ADGRL2: variants seen among roughly 807,000 people sequenced by gnomAD.
ADGRL2 encodes the protein calcium-independent alpha-latrotoxin receptor 2.
Under a neutral mutation model 157.4 loss-of-function variants are expected in ADGRL2, and 44 were observed. That is an observed-to-expected ratio of 0.28 (90% CI 0.22 to 0.36). The LOEUF (loss-of-function observed/expected upper bound fraction) is 0.36, where lower values mean the gene tolerates loss of function less well. Ranked by LOEUF, ADGRL2 falls within the 10% of genes least tolerant of loss-of-function variation. ADGRL2 has a pLI of 1.00. For synonymous variants in ADGRL2, 585 were observed against 624.7 expected (o/e 0.94, Z 0.95); for missense variants, 1,510 against 1,768.9 (o/e 0.85, Z 2.63).
At chr1:81,569,408 G>T (rs1021269600) in intron 2 of ADGRL2, among the ~76,000 whole-genome samples, 2 of 152,144 alleles carry the variant, frequency 1.3e-5, no homozygotes, top group African/African-American at 4.8e-5. Context: ...AAAAGTAATG[G>T]CTTAAAACAG....
intron 2 of ADGRL2, among the ~76,000 whole-genome samples, chr1:81,838,747 G>C (rs1004164528): frequency 3.3e-5 from 5 of 152,106 alleles, no homozygotes; most frequent in Admixed American, 6.6e-5. Flanking sequence ...TAACTCAGTG[G>C]GGGGCTAGCA....
chr1:81,909,719 CTTG>C (rs2094667506), intron 3 of ADGRL2, among the ~76,000 whole-genome samples: 1 of 145,814 alleles, frequency 6.9e-6, no homozygotes, highest in South Asian at 2.2e-4. Context: ...CAAACCATTG[CTTG>C]TTTTTTTTTT....
intron 1 of ADGRL2, among the ~76,000 whole-genome samples, chr1:81,360,592 C>T (rs756288104): frequency 1.1e-4 from 17 of 151,880 alleles, no homozygotes; most frequent in Non-Finnish European, 1.8e-4. Flanking sequence ...TAAAAATGTG[C>T]TTACTTTCTG....
At chr1:81,576,346 T>C (rs2080797563) in intron 2 of ADGRL2, among the ~76,000 whole-genome samples, 1 of 152,180 alleles carries the variant, frequency 6.6e-6, no homozygotes, top group South Asian at 2.1e-4. Context: ...TCTTTCTCTC[T>C]TTATTTATTT....
At position 81,502,520 on chromosome 1, in the gene ADGRL2, C is replaced by G; in HGVS notation, c.-248+57431C>G. The G allele has an allele frequency of 1.9e-6, 3 of 1,614,090 alleles. No individual in the cohort carries two copies. The South Asian group carries it at 3.3e-5, about 18-fold the overall frequency. On this transcript the variant is annotated intron_variant, in intron 2 of 24. Coordinates refer to the ADGRL2 transcript ENST00000370721. Reference sequence around the variant, plus strand: ...AATCCCCATCATGGCCAAACAGATCCTGGACCTGTACATGCTGTATAAGCT... The same window carrying G: ...AATCCCCATCATGGCCAAACAGATCGTGGACCTGTACATGCTGTATAAGCT...
intron 1 of ADGRL2, among the ~76,000 whole-genome samples, chr1:81,814,135 G>T (rs138622353): frequency 6.6e-6 from 1 of 151,600 alleles, no homozygotes; most frequent in Non-Finnish European, 1.5e-5. Context: ...CTGGTTTTCG[G>T]TTTAAAGTAA....
At chr1:81,733,091 A>G (rs1261942662) in intron 1 of ADGRL2, among the ~76,000 whole-genome samples, 2 of 148,674 alleles carry the variant, frequency 1.3e-5, no homozygotes, top group Non-Finnish European at 2.9e-5. Context: ...CAATCAAACA[A>G]AAGTTTGCTG....
chr1:81,458,358 T>C, intron 2 of ADGRL2, among the ~76,000 whole-genome samples: 1 of 152,216 alleles, frequency 6.6e-6, no homozygotes, highest in South Asian at 2.1e-4. Context: ...TCACTGAAAC[T>C]CTATATGTTG....
intron 1 of ADGRL2, among the ~76,000 whole-genome samples, chr1:81,727,474 C>G (rs1220461206): frequency 6.6e-6 from 1 of 151,996 alleles, no homozygotes; most frequent in Non-Finnish European, 1.5e-5. Context: ...TGCTCCGTCA[C>G]CAGGCTGGAG....
intron 1 of ADGRL2, among the ~76,000 whole-genome samples, chr1:81,828,066 G>A (rs560454681): frequency 6.6e-6 from 1 of 152,262 alleles, no homozygotes; most frequent in Admixed American, 6.5e-5. Flanking sequence ...TCTTAGGATT[G>A]TTCATCTATA....
chr1:81,785,628 G>A (rs1205176280), intron 2 of ADGRL2, among the ~76,000 whole-genome samples: 2 of 151,934 alleles, frequency 1.3e-5, no homozygotes, highest in Non-Finnish European at 2.9e-5. Flanking sequence ...CTCAGGCAGC[G>A]AAGGCAGGAG....
chr1:81,693,969 C>T (rs539096263), intron 3 of ADGRL2, among the ~76,000 whole-genome samples: 55 of 152,220 alleles, frequency 3.6e-4, no homozygotes, highest in African/African-American at 1.3e-3. Flanking sequence ...ATATTATGGG[C>T]ATCTGTACAT....
chr1:81,877,528 T>A (rs550912498), intron 2 of ADGRL2, among the ~76,000 whole-genome samples: 12 of 152,208 alleles, frequency 7.9e-5, no homozygotes, highest in African/African-American at 2.4e-4. Context: ...GTACTTGAGG[T>A]TCTGGAGATA....
At chr1:81,858,614 A>G (rs1207443044) in intron 2 of ADGRL2, among the ~76,000 whole-genome samples, 4 of 152,154 alleles carry the variant, frequency 2.6e-5, no homozygotes, top group Non-Finnish European at 5.9e-5. Flanking sequence ...GCTTCCACCG[A>G]CTGCACAGGG....
Position 81,990,611 on chromosome 1 carries a change from G to C in ADGRL2, c.3876G>C (p.Glu1292Asp). The part of the protein sequence containing the change: ...LRGSSKTHNL[E>D]LTLPVKPVIG... The stretch of plus-strand genomic sequence containing the variant: ...GCAGCAGCAAGACTCACAACCTCGA[G>C]CTCACGCTACCAGTCAAACCTGTGA... Residue 1292 changes from glutamate to aspartate, a missense_variant, in exon 24 of 24, where the codon GAG (glutamate) becomes GAC (aspartate). Physicochemically the swap from Glu to Asp is conservative, Grantham distance 45 (BLOSUM62 2). Around this residue, in one of 4 missense-constraint regions of ADGRL2, gnomAD observed 327 missense variants for 310.1 expected, o/e 1.05. Coordinates refer to ENST00000686636, the MANE Select transcript of ADGRL2 (RefSeq NM_001366006.2). 1 of 1,614,132 alleles carries C rather than the reference G, an allele frequency of 6.2e-7. No homozygotes were observed.
intron 3 of ADGRL2, among the ~76,000 whole-genome samples, chr1:81,653,152 A>T (rs2082456160): frequency 6.6e-6 from 1 of 152,140 alleles, no homozygotes; most frequent in Non-Finnish European, 1.5e-5. Flanking sequence ...TATAAGTAGT[A>T]GGGTATTTTT....
chr1:81,659,229 T>C (rs1192645254), intron 3 of ADGRL2, among the ~76,000 whole-genome samples: 1 of 151,842 alleles, frequency 6.6e-6, no homozygotes, highest in African/African-American at 2.4e-5. Flanking sequence ...GGCCGGCTGA[T>C]TTTTTGTATT....
chr1:81,407,259 G>A (rs2076869449), intron 1 of ADGRL2, among the ~76,000 whole-genome samples: 2 of 152,286 alleles, frequency 1.3e-5, no homozygotes, highest in East Asian at 1.9e-4. Flanking sequence ...AACCCCCATT[G>A]CCAATGAAAA....
intron 2 of ADGRL2, among the ~76,000 whole-genome samples, chr1:81,786,409 C>T: frequency 6.6e-6 from 1 of 152,096 alleles, no homozygotes; most frequent in African/African-American, 2.4e-5. Context: ...AAAACCTTGT[C>T]TCTACTAAAA....
Sources: gnomAD v4.1 joint callset for allele counts (sites outside exome capture counted in the v4.1 genomes callset) on GRCh38, gnomAD v4.1.1 for gene constraint, gnomAD v4.1.1 regional missense constraint, MANE v1.5 for transcripts, NCBI Gene and HGNC (gene_info 2026-07-23, HGNC 2026-07-21) for gene names.